The following CADPS variants were observed in gnomAD, a reference collection of about 807,000 sequenced individuals.
CADPS encodes the protein calcium-dependent secretion activator 1.
In CADPS, 57 loss-of-function variants were observed where a neutral mutation model predicts 167.3. The ratio of observed to expected loss-of-function variants is 0.34; its 90% CI spans 0.28 to 0.42. The LOEUF is 0.42. Ranked by LOEUF, CADPS falls within the 20% of genes least tolerant of loss-of-function variation. The probability of loss-of-function intolerance (pLI) is 1.00; values close to 1 mark genes in which losing one functional copy is unlikely to be tolerated. For missense variants in CADPS, 1,414 were observed against 1,738.1 expected, an observed-to-expected ratio of 0.81 and a Z score of 3.32; for synonymous variants, 676 against 635.3, an observed-to-expected ratio of 1.06 and a Z score of -0.96.
intron 6 of CADPS, among the ~76,000 whole-genome samples, chr3:62,635,386 C>T (rs2066086951): frequency 6.6e-6 from 1 of 152,060 alleles, no homozygotes; most frequent in African/African-American, 2.4e-5. Context: ...AGACAAGAGC[C>T]CTCTTTTCAT....
rs1445293556 is a variant in CADPS at position 62,518,537 on chromosome 3, G to T, written c.2292-287C>A. Reference sequence around the variant, plus strand: ...CCAGCCCCTGAACTTGTTCTGTTTGGCTCACAGCGTCTTAAGAAATTTGAA... The same window carrying T: ...CCAGCCCCTGAACTTGTTCTGTTTGTCTCACAGCGTCTTAAGAAATTTGAA... On this transcript the variant is annotated intron_variant, in intron 13 of 29. Transcript: ENST00000383710. 2.0e-5 allele frequency among the ~76,000 whole-genome samples: 3 copies of T among 152,122 alleles called. No individual in the cohort carries two copies. In the East Asian group the frequency reaches 5.8e-4, roughly 29 times the overall value.
intron 9 of CADPS, among the ~76,000 whole-genome samples, chr3:62,558,776 C>T (rs1343347247): frequency 4.6e-5 from 7 of 152,132 alleles, no homozygotes; most frequent in African/African-American, 1.2e-4. Context: ...GAAACTTTAC[C>T]GCCCCACTTG....
chr3:62,687,562 C>A (rs538970606), intron 3 of CADPS, among the ~76,000 whole-genome samples: 3 of 151,930 alleles, frequency 2.0e-5, no homozygotes, highest in South Asian at 2.1e-4. Flanking sequence ...CCCAGGGTAC[C>A]AGGGACTTAG....
chr3:62,786,281 A>T (rs1299361844), intron 1 of CADPS, among the ~76,000 whole-genome samples: 1 of 152,176 alleles, frequency 6.6e-6, no homozygotes, highest in South Asian at 2.1e-4. Context: ...GATGTTATGC[A>T]GAAAGCAATT....
intron 21 of CADPS, among the ~76,000 whole-genome samples, 157 bp downstream of exon 21, chr3:62,491,182 G>A (rs894661485): frequency 5.3e-5 from 8 of 152,054 alleles, no homozygotes; most frequent in Admixed American, 2.6e-4. Context: ...CTGCCATTTG[G>A]GCAAAGAAGC....
chr3:62,797,694 C>A (rs982542316), intron 1 of CADPS, among the ~76,000 whole-genome samples: 6 of 151,854 alleles, frequency 4.0e-5, no homozygotes, highest in African/African-American at 1.5e-4. Flanking sequence ...GAGAGAGGAT[C>A]AGGAAAAATA....
intron 1 of CADPS, among the ~76,000 whole-genome samples, chr3:62,847,032 C>T (rs2077566472): frequency 6.6e-6 from 1 of 152,074 alleles, no homozygotes; most frequent in African/African-American, 2.4e-5. Context: ...TGTTTTAAAC[C>T]ACTTTAGTCA....
intron 3 of CADPS, among the ~76,000 whole-genome samples, chr3:62,680,223 A>T (rs1490590689): frequency 6.6e-6 from 1 of 152,044 alleles, no homozygotes; most frequent in Non-Finnish European, 1.5e-5. Context: ...AGCCATTTGG[A>T]AATTCTGAGA....
chr3:62,552,233 TGGGGGGA>T (rs2077423907), intron 10 of CADPS, among the ~76,000 whole-genome samples: 3 of 46,824 alleles, frequency 6.4e-5, no homozygotes, highest in African/African-American at 2.7e-4. Flanking sequence ...TGTTGTGGGG[TGGGGGGA>T]GGGGGGAGGG....
Position 62,403,157 on chromosome 3 carries a change from A to G in CADPS, c.3806T>C (p.Ile1269Thr). The change falls in exon 29 of 30, where the codon ATC (isoleucine) becomes ACC (threonine). Residue 1269 changes from isoleucine (I) to threonine (T), a missense_variant. By Grantham distance (89) the Ile-to-Thr change is moderately conservative. This residue lies in a region of CADPS where 185 missense variants were observed against 251.5 expected (regional missense o/e 0.74). Transcript: ENST00000383710. ...DQWYNSSMNV[I>T]CTWLTDRMDL... Reference sequence around the variant, plus strand: ...CATCCGGTCCGTCAACCAGGTGCAGATCACGTTCATGGAGCTGTTGTACCA... The same window carrying G: ...CATCCGGTCCGTCAACCAGGTGCAGGTCACGTTCATGGAGCTGTTGTACCA... The G allele has an allele frequency of 6.2e-7, 1 of 1,613,676 alleles. No individual in the cohort carries two copies. Among genetic ancestry groups the G allele is most frequent in the Admixed American group, 1.7e-5 (1 of 60,006 alleles).
At chr3:62,748,463 G>T (rs13091955) in intron 3 of CADPS, among the ~76,000 whole-genome samples, 33,269 of 151,462 alleles carry the variant, frequency 0.22, 4,702 homozygotes, top group East Asian at 0.56. Context: ...AGATAGTTAA[G>T]GATAACTTAT....
At chr3:62,494,498 T>C (rs2064296027) in intron 18 of CADPS, among the ~76,000 whole-genome samples, 3 of 152,186 alleles carry the variant, frequency 2.0e-5, no homozygotes, top group South Asian at 4.1e-4. Flanking sequence ...TAACTTTACA[T>C]CTTCAGGATG....
At chr3:62,624,560 T>A (rs2063710200) in intron 6 of CADPS, among the ~76,000 whole-genome samples, 1 of 151,664 alleles carries the variant, frequency 6.6e-6, no homozygotes, top group African/African-American at 2.4e-5. Context: ...AAAAAAAAAA[T>A]CTCTGGTTAA....
At chr3:62,530,870 A>C (rs2073497582) in intron 13 of CADPS, 1 of 973,636 alleles carries the variant, frequency 1.0e-6, no homozygotes, top group African/African-American at 1.7e-5. Context: ...CCATAGGAGA[A>C]TCAAGAGCAC....
intron 3 of CADPS, among the ~76,000 whole-genome samples, chr3:62,719,248 T>C (rs1019851106): frequency 6.6e-6 from 1 of 152,192 alleles, no homozygotes; most frequent in Non-Finnish European, 1.5e-5. Flanking sequence ...AGACTTTCTT[T>C]CAACCCCTGT....
chr3:62,512,693 A>G (rs903950491), intron 17 of CADPS, 58 bp downstream of exon 17: 4 of 1,446,790 alleles, frequency 2.8e-6, no homozygotes, highest in African/African-American at 1.4e-5. Flanking sequence ...AACAAAAACA[A>G]AAACTGAATG....
chr3:62,682,852 G>C (rs2077371179), intron 3 of CADPS, among the ~76,000 whole-genome samples: 1 of 152,080 alleles, frequency 6.6e-6, no homozygotes, highest in Non-Finnish European at 1.5e-5. Flanking sequence ...AAATAACCAT[G>C]TACATTAATG....
At chr3:62,628,737 C>T (rs2064646174) in intron 6 of CADPS, among the ~76,000 whole-genome samples, 1 of 152,012 alleles carries the variant, frequency 6.6e-6, no homozygotes, top group South Asian at 2.1e-4. Flanking sequence ...AGTGATTCCC[C>T]TGCCTCAGCC....
chr3:62,804,287 G>T (rs997349660), intron 1 of CADPS, among the ~76,000 whole-genome samples: 1 of 152,088 alleles, frequency 6.6e-6, no homozygotes, highest in Non-Finnish European at 1.5e-5. Flanking sequence ...CCCCTTTGAG[G>T]CTGGAGGAGA....
Sources: gnomAD v4.1 joint callset for allele counts (sites outside exome capture counted in the v4.1 genomes callset) on GRCh38, gnomAD v4.1.1 for gene constraint, gnomAD v4.1.1 regional missense constraint, MANE v1.5 for transcripts, NCBI Gene and HGNC (gene_info 2026-07-23, HGNC 2026-07-21) for gene names.